NDRG3: variants seen among roughly 807,000 people sequenced by gnomAD.
NDRG3 encodes protein NDRG3.
NDRG3 carries 23 observed loss-of-function variants against 57.2 expected under a neutral mutation model. That is an observed-to-expected ratio of 0.40 (90% CI 0.29 to 0.57). The LOEUF is 0.57. Among genes scored for constraint, NDRG3 ranks in the 20% least tolerant of loss-of-function variants. The probability of loss-of-function intolerance (pLI) is 0.42; values close to 1 mark genes in which losing one functional copy is unlikely to be tolerated. For synonymous variants in NDRG3, 132 were observed against 162.6 expected (o/e 0.81, Z 1.43); for missense variants, 384 against 457.3 (o/e 0.84, Z 1.46).
chr20:36,707,469 T>G (rs1983612145), intron 2 of NDRG3, among the ~76,000 whole-genome samples: 1 of 151,904 alleles, frequency 6.6e-6, no homozygotes, highest in Non-Finnish European at 1.5e-5. Flanking sequence ...AGGACAAAGA[T>G]ATGGATGGAT....
At chr20:36,684,513 C>T (rs751299483) in intron 5 of NDRG3, 38 bp from the exon 6 acceptor site, 1 of 1,557,020 alleles carries the variant, frequency 6.4e-7, no homozygotes, top group South Asian at 1.1e-5. Flanking sequence ...TTAGAAAGCA[C>T]TCACAATTCC....
intron 2 of NDRG3, among the ~76,000 whole-genome samples, chr20:36,708,254 C>T (rs962857832): frequency 2.0e-5 from 3 of 152,096 alleles, no homozygotes; most frequent in Non-Finnish European, 4.4e-5. Flanking sequence ...TAGAAGGTTC[C>T]TAACAGCTTC....
At chr20:36,738,062 C>CAA (rs199664442) in intron 1 of NDRG3, among the ~76,000 whole-genome samples, 4 of 98,438 alleles carry the variant, frequency 4.1e-5, no homozygotes, top group Non-Finnish European at 6.4e-5. Flanking sequence ...GACTCTGTCT[C>CAA]AAAAAAAAAA....
At chr20:36,666,988 C>T (rs1979689146) in intron 9 of NDRG3, among the ~76,000 whole-genome samples, 1 of 152,016 alleles carries the variant, frequency 6.6e-6, no homozygotes, top group South Asian at 2.1e-4. Flanking sequence ...TATGCACCAC[C>T]ATGCTCAGCT....
chr20:36,738,443 C>T (rs1286065024), intron 1 of NDRG3, among the ~76,000 whole-genome samples: 4 of 144,262 alleles, frequency 2.8e-5, no homozygotes, highest in Non-Finnish European at 4.6e-5. Context: ...TGCAGTGAGC[C>T]GAGATCACAC....
At chr20:36,668,060 G>A (rs768170990) in intron 9 of NDRG3, among the ~76,000 whole-genome samples, 31 of 152,094 alleles carry the variant, frequency 2.0e-4, no homozygotes, top group Non-Finnish European at 3.5e-4. Context: ...GGTTAACATA[G>A]TGAGACCCCC....
At chr20:36,737,648 A>G (rs947255495) in intron 1 of NDRG3, among the ~76,000 whole-genome samples, 22 of 152,182 alleles carry the variant, frequency 1.4e-4, no homozygotes, top group African/African-American at 5.3e-4. Context: ...GCAGCAGAGC[A>G]AGGATTTGAA....
intron 1 of NDRG3, among the ~76,000 whole-genome samples, chr20:36,733,091 A>G (rs1985374863): frequency 6.8e-6 from 1 of 146,420 alleles, no homozygotes; most frequent in African/African-American, 2.5e-5. Context: ...AGGCTACAGC[A>G]AGCTGAGATT....
At chr20:36,713,293 T>C (rs1420665435) in intron 2 of NDRG3, among the ~76,000 whole-genome samples, 4 of 152,218 alleles carry the variant, frequency 2.6e-5, no homozygotes, top group Admixed American at 2.6e-4. Flanking sequence ...GAATGTTTTC[T>C]GATGGAGCTT....
At chr20:36,654,676 T>TG in intron 15 of NDRG3, 1 of 696,024 alleles carries the variant, frequency 1.4e-6, no homozygotes, top group Non-Finnish European at 2.7e-6. Flanking sequence ...CTAAATCTCT[T>TG]GGGGCGTACT....
At chr20:36,728,639 G>A (rs892773722) in intron 1 of NDRG3, among the ~76,000 whole-genome samples, 1 of 152,178 alleles carries the variant, frequency 6.6e-6, no homozygotes, top group Non-Finnish European at 1.5e-5. Context: ...ATGCTTAAAC[G>A]CTAGTAAGTA....
At chr20:36,694,047 A>C (rs1982565305) in intron 3 of NDRG3, among the ~76,000 whole-genome samples, 1 of 152,122 alleles carries the variant, frequency 6.6e-6, no homozygotes, top group South Asian at 2.1e-4. Context: ...GAAAATCGTA[A>C]GGCAGAGAAA....
intron 1 of NDRG3, among the ~76,000 whole-genome samples, chr20:36,728,137 T>G (rs1985056309): frequency 6.6e-6 from 1 of 151,586 alleles, no homozygotes; most frequent in African/African-American, 2.4e-5. Context: ...CACTGCAAAC[T>G]CCGCCTCCCA....
chr20:36,665,702 GATT>G (rs1266280416), intron 10 of NDRG3, among the ~76,000 whole-genome samples: 1 of 152,040 alleles, frequency 6.6e-6, no homozygotes, highest in African/African-American at 2.4e-5. Flanking sequence ...GGGTTCAAGC[GATT>G]CTCCTGCCTC....
chr20:36,713,913 G>A (rs1600942604), intron 2 of NDRG3, among the ~76,000 whole-genome samples: 1 of 152,058 alleles, frequency 6.6e-6, no homozygotes, highest in African/African-American at 2.4e-5. Context: ...CTGTTAAAGA[G>A]AATAAAATAT....
At chr20:36,674,465 A>C (rs1201406162) in intron 8 of NDRG3, among the ~76,000 whole-genome samples, 2 of 151,944 alleles carry the variant, frequency 1.3e-5, no homozygotes, top group Non-Finnish European at 2.9e-5. Flanking sequence ...GACCTCCCAA[A>C]GTGCTAGGAT....
At chr20:36,703,484 T>C (rs968401220) in intron 3 of NDRG3, among the ~76,000 whole-genome samples, 2 of 152,090 alleles carry the variant, frequency 1.3e-5, no homozygotes, top group East Asian at 1.9e-4. Flanking sequence ...GTGTAATATA[T>C]AGAGAGAAAG....
exon 1 of NDRG3, chr20:36,746,079 AGCGGCGGCGGCGGCG>A (rs11466997): frequency 0.022 from 5,575 of 251,398 alleles, 341 homozygotes; most frequent in African/African-American, 0.11. Flanking sequence ...GTGCAGCAGC[AGCGGCGGCGGCGGCG>A]GCGGCGGCGG....
Position 36,732,543 on chromosome 20 carries a change from T to C in NDRG3, c.-48-10760A>G, listed in dbSNP as rs1156372122. ...CCCTTTCTGGGCCTCAGTTACCCCA[T>C]CTGTCAAGGGAAAAGATTGGGCAGG... On this transcript the variant is annotated intron_variant, in intron 1 of 15. Coordinates refer to ENST00000349004, the MANE Select transcript of NDRG3 (RefSeq NM_032013.4). 2.0e-5 allele frequency among the ~76,000 whole-genome samples: 3 copies of C among 152,134 alleles called. No homozygotes were observed. In the East Asian group the frequency reaches 5.8e-4, roughly 29 times the overall value.
Sources: allele counts gnomAD v4.1 joint callset (sites outside exome capture counted in the v4.1 genomes callset), GRCh38; gene constraint gnomAD v4.1.1; transcripts MANE v1.5; gene names NCBI Gene and HGNC (gene_info 2026-07-23, HGNC 2026-07-21).